TRPM7: variants seen among roughly 807,000 people sequenced by gnomAD.
The protein encoded by TRPM7 is transient receptor potential cation channel subfamily M member 7, also known as LTRPC ion channel family member 7.
In TRPM7, 134 loss-of-function variants were observed where a neutral mutation model predicts 229.7. That is an observed-to-expected ratio of 0.58 (90% CI 0.51 to 0.67). The LOEUF (loss-of-function observed/expected upper bound fraction) is 0.67, where lower values mean the gene tolerates loss of function less well. Among genes scored for constraint, TRPM7 ranks in the 30% least tolerant of loss-of-function variants. The pLI is 0.00. For missense variants in TRPM7, 1,901 were observed against 2,210.0 expected, an observed-to-expected ratio of 0.86 and a Z score of 2.80; for synonymous variants, 699 against 715.2, an observed-to-expected ratio of 0.98 and a Z score of 0.36.
chr15:50,671,600 G>A (rs1461183984), intron 1 of TRPM7, among the ~76,000 whole-genome samples: 2 of 152,020 alleles, frequency 1.3e-5, no homozygotes, highest in African/African-American at 4.8e-5. Flanking sequence ...CTTGAGGCCA[G>A]GAGTTCAAGA....
At position 50,657,812 on chromosome 15, in the gene TRPM7, G is replaced by A; in HGVS notation, c.91C>T (p.Pro31Ser). The A allele has an allele frequency of 1.2e-6, 2 of 1,611,156 alleles. No homozygotes were observed. The highest frequency in any genetic ancestry group is 1.7e-6 in the Non-Finnish European group (2 of 1,178,152). ...PSSKDPHRCL[P>S]GCQICQQLVR... The stretch of plus-strand genomic sequence containing the variant: ...AGTTGCTGACAAATTTGACATCCTG[G>A]AAGGCATCTATTGAACACAAAAAGG... Residue 31 changes from proline to serine, a missense_variant, in exon 3 of 39, where the codon CCA becomes TCA. Pro to Ser is a moderately conservative substitution (Grantham distance 74). Coordinates refer to ENST00000646667, the MANE Select transcript of TRPM7 (RefSeq NM_017672.6).
intron 4 of TRPM7, among the ~76,000 whole-genome samples, chr15:50,644,408 A>T (rs115011786): frequency 1.1e-3 from 160 of 152,362 alleles, no homozygotes; most frequent in African/African-American, 3.6e-3. Flanking sequence ...ACATTGAGAC[A>T]TTTAAAAATC....
In TRPM7 at chr15:50,620,062, T is replaced by G. The variant is rs946647188; in HGVS notation, c.1441-264A>C. Among the ~76,000 whole-genome samples the G allele has an allele frequency of 9.8e-4, 149 of 152,302 alleles. 1 individual carries two copies. The highest frequency in any genetic ancestry group is 3.4e-3 in the African/African-American group (142 of 41,560). ...TTTACAATTGTATCTTAAATTTAAA[T>G]TTACATTTCTTTCATTGATAATGGC... On this transcript the variant is annotated intron_variant, in intron 12 of 38. Transcript: ENST00000646667.
At position 50,592,416 on chromosome 15, in the gene TRPM7, G is replaced by A; in HGVS notation, c.3819C>T (p.His1273=). The A allele has an allele frequency of 1.9e-6, 3 of 1,614,186 alleles. No homozygotes were observed. Among genetic ancestry groups the A allele is most frequent in the East Asian group, 2.2e-5 (1 of 44,882 alleles). Reference sequence around the variant, plus strand: ...CATCATCAATAAGGTTTTGAGCCAAGTGTTTGGAAATGCTCAGTTCTCGTG... The same window carrying A: ...CATCATCAATAAGGTTTTGAGCCAAATGTTTGGAAATGCTCAGTTCTCGTG... ...EITRELSISK[H]LAQNLIDDGP... is the part of the protein sequence containing the mutation. Residue 1273 remains histidine (H), a synonymous_variant, in exon 26 of 39, where the codon CAC becomes CAT. Transcript: ENST00000646667.
intron 1 of TRPM7, among the ~76,000 whole-genome samples, chr15:50,681,967 CA>C (rs1194243909): frequency 6.6e-6 from 1 of 152,024 alleles, no homozygotes; most frequent in African/African-American, 2.4e-5. Flanking sequence ...CACTTGAGGT[CA>C]GGAGTTCAAG....
At chr15:50,675,220 G>A (rs1471062467) in intron 1 of TRPM7, among the ~76,000 whole-genome samples, 1 of 151,926 alleles carries the variant, frequency 6.6e-6, no homozygotes, top group Non-Finnish European at 1.5e-5. Flanking sequence ...GCGGGCACCT[G>A]TAACCTCAGC....
At chr15:50,581,053 A>C in intron 29 of TRPM7, 145 bp from the exon 30 acceptor site, 1 of 649,730 alleles carries the variant, frequency 1.5e-6, no homozygotes, top group South Asian at 2.7e-5. Flanking sequence ...TAAAACAATA[A>C]ATTTATTTAT....
At chr15:50,593,927 G>C (rs1053960295) in intron 24 of TRPM7, among the ~76,000 whole-genome samples, 178 bp from the exon 25 acceptor site, 9 of 152,144 alleles carry the variant, frequency 5.9e-5, no homozygotes, top group African/African-American at 1.9e-4. Flanking sequence ...TGCTTCACCA[G>C]TGTGATGTCA....
At chr15:50,595,431 T>G (rs1250190468) in intron 23 of TRPM7, among the ~76,000 whole-genome samples, 1 of 151,638 alleles carries the variant, frequency 6.6e-6, no homozygotes. Flanking sequence ...AATTGACCAA[T>G]ACAACATACT....
chr15:50,584,602 T>C (rs200609782), intron 28 of TRPM7, among the ~76,000 whole-genome samples: 198 of 151,474 alleles, frequency 1.3e-3, no homozygotes, highest in African/African-American at 4.7e-3. Flanking sequence ...GGATCAGAAG[T>C]GTTTCAGATT....
intron 11 of TRPM7, among the ~76,000 whole-genome samples, chr15:50,625,109 A>C (rs1347077790): frequency 2.7e-4 from 41 of 152,216 alleles, no homozygotes; most frequent in Non-Finnish European, 1.3e-4. Flanking sequence ...TAGGGACATG[A>C]AATATAGGTA....
At chr15:50,658,659 T>C (rs547457989) in intron 2 of TRPM7, among the ~76,000 whole-genome samples, 6 of 151,984 alleles carry the variant, frequency 3.9e-5, no homozygotes, top group African/African-American at 1.4e-4. Flanking sequence ...ATAATCCCTA[T>C]GGAAGGCCAC....
At chr15:50,615,739 T>C (rs1359562474) in intron 13 of TRPM7, among the ~76,000 whole-genome samples, 3 of 151,960 alleles carry the variant, frequency 2.0e-5, no homozygotes, top group Non-Finnish European at 4.4e-5. Context: ...CTACTAAAAA[T>C]ACAAAAATTA....
At position 50,567,026 on chromosome 15, in the gene TRPM7, C is replaced by T. The variant is rs1195003964; in HGVS notation, c.5467+2861G>A. ...GTAACAGCATAAATAACTTTATGCC[C>T]CCAAATTTGACAATTAAAAAAAAAA... On this transcript the variant is annotated intron_variant, in intron 38 of 38. Transcript: ENST00000646667. 2.0e-5 allele frequency among the ~76,000 whole-genome samples: 3 copies of T among 150,450 alleles called. No individual in the cohort carries two copies. The East Asian group carries it at 5.8e-4, about 29-fold the overall frequency.
At chr15:50,683,591 G>A (rs59273240) in intron 1 of TRPM7, among the ~76,000 whole-genome samples, 3,073 of 152,184 alleles carry the variant, frequency 0.02, 111 homozygotes, top group African/African-American at 0.07. Flanking sequence ...AAAATTAGCC[G>A]GGTGTGGTGG....
rs1426808009 is a variant in TRPM7 at position 50,559,517 on chromosome 15, AAAACAAAAC to A, written c.*2152_*2160del. The A allele has an allele frequency of 6.6e-6, 1 of 152,024 alleles. No individual in the cohort carries two copies. The highest frequency in any genetic ancestry group is 6.6e-5 in the Admixed American group (1 of 15,204). The allele number at this position is 152,024 out of a possible 1,614,324, so 9.4% of individuals were successfully genotyped here. On this transcript the variant is annotated 3_prime_UTR_variant, in exon 39 of 39. Transcript: ENST00000646667. The stretch of plus-strand genomic sequence containing the variant: ...CAAGACAAACAAAACAAAACAAAAC[AAAACAAAAC>A]AAAACAAAAACAGTATAGATGAAAG...
At chr15:50,561,955 C>A (rs764333960) in intron 38 of TRPM7, 147 bp from the exon 39 acceptor site, 3 of 758,574 alleles carry the variant, frequency 4.0e-6, no homozygotes, top group Non-Finnish European at 5.8e-6. Flanking sequence ...AGTGCAATGG[C>A]GCGATCTCGG....
chr15:50,642,574 G>A (rs931820412), intron 5 of TRPM7, among the ~76,000 whole-genome samples: 2 of 152,038 alleles, frequency 1.3e-5, no homozygotes, highest in African/African-American at 2.4e-5. Flanking sequence ...TTCCCTCTTC[G>A]CGTGGCACTT....
intron 1 of TRPM7, among the ~76,000 whole-genome samples, chr15:50,670,275 C>T (rs2061960657): frequency 1.3e-5 from 2 of 152,140 alleles, no homozygotes. Context: ...ACCAGAGTGA[C>T]TCCATCTTGA....
Sources: allele counts gnomAD v4.1 joint callset (sites outside exome capture counted in the v4.1 genomes callset), GRCh38; gene constraint gnomAD v4.1.1; transcripts MANE v1.5; gene names NCBI Gene and HGNC (gene_info 2026-07-23, HGNC 2026-07-21).